PDK3: variants seen among roughly 807,000 people sequenced by gnomAD.
The protein encoded by PDK3 is pyruvate dehydrogenase kinase 3, also known as pyruvate dehydrogenase kinase, isozyme 3.
A neutral mutation model predicts 32.0 loss-of-function variants in PDK3; 12 were observed. That is an observed-to-expected ratio of 0.37 (90% CI 0.24 to 0.61). PDK3 has a LOEUF of 0.61. Ranked by LOEUF, PDK3 falls within the 20% of genes least tolerant of loss-of-function variation. The pLI, the probability that PDK3 is intolerant of heterozygous loss-of-function variation, is 0.65. For missense variants in PDK3, 188 were observed against 316.9 expected (o/e 0.59, Z 3.09); for synonymous variants, 122 against 116.3 (o/e 1.05, Z -0.31).
At position 24,503,476 on chromosome X, in the gene PDK3, A is replaced by G; in HGVS notation, c.470A>G (p.Asn157Ser). The G allele has an allele frequency of 1.7e-6, 2 of 1,198,607 alleles. No homozygotes were observed. Among genetic ancestry groups the G allele is most frequent in the South Asian group, 1.8e-5 (1 of 54,117 alleles). The change falls in exon 4 of 11, where the codon AAC becomes AGC. Residue 157 changes from asparagine to serine, a missense_variant. Coordinates refer to ENST00000379162, the MANE Select transcript of PDK3 (RefSeq NM_005391.5). ...TATTTTCTGGATCGGTTTTATACCA[A>G]CCGCATCTCTTTCCGCATGCTTATT... ...IQYFLDRFYT[N>S]RISFRMLINQ...
Position 24,494,856 on chromosome X carries a change from G to A in PDK3, c.221G>A (p.Arg74His), listed in dbSNP as rs781685582. Residue 74 changes from arginine to histidine, a missense_variant, in exon 2 of 11, where the codon CGC becomes CAC. Transcript: ENST00000379162. Reference protein sequence around the residue: ...VNLLPDNLLNRPSVGLVQSWY... With the variant: ...VNLLPDNLLNHPSVGLVQSWY... ...CTTCTGCCGGATAATTTACTTAACC[G>A]CCCTTCAGTGGGATTGGTTCAGAGT... 4.1e-6 allele frequency: 5 copies of A among 1,205,890 alleles called. No individual in the cohort carries two copies. Among genetic ancestry groups the A allele is most frequent in the Admixed American group, 2.2e-5 (1 of 45,570 alleles).
At chrX:24,542,605 G>GT (rs1264303732) in exon 12 of PDK3, among the ~76,000 whole-genome samples, 2 of 112,533 alleles carry the variant, frequency 1.8e-5, no homozygotes, top group Non-Finnish European at 3.8e-5. Flanking sequence ...TCAGGAGAGG[G>GT]TTTCTTTTGT....
At chrX:24,496,566 A>ATCTTTTTTTTTTTTTTTTTTT (rs1921708107) in intron 2 of PDK3, among the ~76,000 whole-genome samples, 1 of 41,133 alleles carries the variant, frequency 2.4e-5, no homozygotes, top group Non-Finnish European at 4.6e-5. Context: ...TACTACCCCC[A>ATCTTTTTTTTTTTTTTTTTTT]TCTTTTTTTT....
chrX:24,495,249 T>C (rs1921671129), intron 2 of PDK3, among the ~76,000 whole-genome samples: 1 of 112,262 alleles, frequency 8.9e-6, no homozygotes, highest in African/African-American at 3.2e-5. Context: ...GTAGAACAAA[T>C]TAAGTCATTT....
At chrX:24,498,754 G>T in intron 2 of PDK3, 75 bp from the exon 3 acceptor site, 1 of 556,177 alleles carries the variant, frequency 1.8e-6, no homozygotes. Context: ...CTTAGGAAGA[G>T]GGAGAGGAGG....
chrX:24,498,228 T>C (rs1415937935), intron 2 of PDK3, among the ~76,000 whole-genome samples: 1 of 112,010 alleles, frequency 8.9e-6, no homozygotes, highest in East Asian at 2.8e-4. Flanking sequence ...AGGATATGTC[T>C]GTTTGTAAGT....
At chrX:24,468,080 CA>C (rs1430507882) in intron 1 of PDK3, among the ~76,000 whole-genome samples, 1 of 111,850 alleles carries the variant, frequency 8.9e-6, no homozygotes, top group East Asian at 2.8e-4. Flanking sequence ...AGTAACTAGA[CA>C]GGGACCAGAG....
chrX:24,485,917 AAAAATGGACATTAACCCCC>A (rs1219271433), intron 1 of PDK3, among the ~76,000 whole-genome samples: 1 of 111,998 alleles, frequency 8.9e-6, no homozygotes, highest in African/African-American at 3.2e-5. Flanking sequence ...ACAAAGACAG[AAAAATGGACATTAACCCCC>A]AAAAGAGACA....
downstream of PDK3, among the ~76,000 whole-genome samples, chrX:24,535,504 C>CAAAAAAAAAA (rs778785042): frequency 1.8e-5 from 1 of 55,506 alleles, no homozygotes. Flanking sequence ...GACTCCATCT[C>CAAAAAAAAAA]AAAAAAAAAA....
At chrX:24,489,375 T>A (rs1327991945) in intron 1 of PDK3, among the ~76,000 whole-genome samples, 1 of 111,790 alleles carries the variant, frequency 8.9e-6, no homozygotes, top group Non-Finnish European at 1.9e-5. Flanking sequence ...ATTTTCCAAC[T>A]ACTCTTTTTA....
At chrX:24,528,536 G>A (rs1922575398) in intron 9 of PDK3, among the ~76,000 whole-genome samples, 1 of 112,734 alleles carries the variant, frequency 8.9e-6, no homozygotes, top group Non-Finnish European at 1.9e-5. Context: ...CAAAGGGACA[G>A]TACTGAATGC....
At chrX:24,480,417 T>A (rs1333470409) in intron 1 of PDK3, among the ~76,000 whole-genome samples, 1 of 112,303 alleles carries the variant, frequency 8.9e-6, no homozygotes, top group East Asian at 2.8e-4. Context: ...TAGATGCTAG[T>A]CCATGGTTCT....
chrX:24,532,509 C>G (rs1922674072), intron 10 of PDK3, among the ~76,000 whole-genome samples: 1 of 111,711 alleles, frequency 9.0e-6, no homozygotes, highest in Admixed American at 9.5e-5. Context: ...CACAGTTTTT[C>G]TTATTCATTG....
chrX:24,526,289 A>T lies in PDK3; in HGVS notation c.750+15A>T. ...AGTTGTTCAAGGTAAGTGGAATTTTAAAAACGTGGAAAGAAGTCTTCATTT... is the reference window on the plus strand; with the variant it reads ...AGTTGTTCAAGGTAAGTGGAATTTTTAAAACGTGGAAAGAAGTCTTCATTT... On this transcript the variant is annotated intron_variant, in intron 7 of 10. Coordinates refer to ENST00000379162, the MANE Select transcript of PDK3 (RefSeq NM_005391.5). The T allele has an allele frequency of 9.6e-7, 1 of 1,039,876 alleles. No homozygotes were observed. Among genetic ancestry groups the T allele is most frequent in the Non-Finnish European group, 1.3e-6 (1 of 742,421 alleles). The allele number at this position is 1,039,876 out of a possible 1,213,427, so 85.7% of individuals were successfully genotyped here. A position where few individuals can be genotyped will look rare whatever the true frequency, so the allele number is the denominator to read the frequency against.
At chrX:24,539,188 CTG>C, downstream of PDK3, 1 of 1,060,508 alleles carries the variant, frequency 9.4e-7, no homozygotes, top group Non-Finnish European at 1.3e-6. Flanking sequence ...GTGGTCCTCT[CTG>C]TGAAGAAAGA....
At chrX:24,466,603 C>G (rs758691473) in intron 1 of PDK3, among the ~76,000 whole-genome samples, 2 of 109,623 alleles carry the variant, frequency 1.8e-5, no homozygotes, top group East Asian at 2.9e-4. Flanking sequence ...TTGAGGAAGA[C>G]CTGATATGCA....
At chrX:24,513,167 T>C (rs1922167293) in intron 5 of PDK3, among the ~76,000 whole-genome samples, 1 of 111,504 alleles carries the variant, frequency 9.0e-6, no homozygotes, top group African/African-American at 3.3e-5. Flanking sequence ...AATCTGGAGA[T>C]TGGATATTCT....
Position 24,465,306 on chromosome X carries a change from G to A in PDK3, c.-150G>A. On this transcript the variant is annotated 5_prime_UTR_variant, in exon 1 of 11. Transcript: ENST00000379162. ...CCGCCGCTGTCCTGGAGCTGCTGCT[G>A]CTGCTGCGGCGGCTGCACCGGCGGC... The A allele has an allele frequency of 2.9e-6, 1 of 345,206 alleles. No individual in the cohort carries two copies. The highest frequency in any genetic ancestry group is 4.9e-6 in the Non-Finnish European group (1 of 204,980). 28.4% of individuals were successfully genotyped at this position (345,206 alleles called of 1,213,427 possible). A position where few individuals can be genotyped will look rare whatever the true frequency, so the allele number is the denominator to read the frequency against.
intron 1 of PDK3, among the ~76,000 whole-genome samples, chrX:24,471,974 G>T (rs899355819): frequency 3.6e-5 from 4 of 111,675 alleles, no homozygotes; most frequent in African/African-American, 1.3e-4. Context: ...TGTAAAGTTG[G>T]GTTTTGCTTT....
Sources: allele counts gnomAD v4.1 joint callset (sites outside exome capture counted in the v4.1 genomes callset), GRCh38; gene constraint gnomAD v4.1.1; transcripts MANE v1.5; gene names NCBI Gene and HGNC (gene_info 2026-07-23, HGNC 2026-07-21).